Variants in SYN2 observed in about 807,000 individuals in gnomAD.
The protein encoded by SYN2 is synapsin II, also known as synapsin-2.
A neutral mutation model predicts 50.9 loss-of-function variants in SYN2; 19 were observed. The ratio of observed to expected loss-of-function variants is 0.37; its 90% CI spans 0.26 to 0.55. The LOEUF (loss-of-function observed/expected upper bound fraction) is 0.55. Among genes scored for constraint, SYN2 ranks in the 20% least tolerant of loss-of-function variants. The pLI, the probability that SYN2 is intolerant of heterozygous loss-of-function variation, is 0.81. For missense variants in SYN2, 587 were observed against 576.4 expected (o/e 1.02, Z -0.19); for synonymous variants, 255 against 224.9 (o/e 1.13, Z -1.20).
chr3:12,057,665 G>A (rs1695023873), intron 1 of SYN2, among the ~76,000 whole-genome samples: 1 of 152,090 alleles, frequency 6.6e-6, no homozygotes, highest in South Asian at 2.1e-4. Flanking sequence ...ATTTGATTCA[G>A]TCTGATAACT....
intron 11 of SYN2, chr3:12,183,719 A>G: frequency 1.6e-6 from 2 of 1,219,562 alleles, no homozygotes; most frequent in Non-Finnish European, 2.0e-6. Context: ...TCCCAAGTCC[A>G]GTGTGACTTT....
chr3:12,049,010 A>T (rs1403736954), intron 1 of SYN2, among the ~76,000 whole-genome samples: 1 of 152,156 alleles, frequency 6.6e-6, no homozygotes, highest in Non-Finnish European at 1.5e-5. Context: ...GAGTTTTGTG[A>T]ATATGTAGGT....
At chr3:12,187,758 T>A (rs1222998994) in intron 12 of SYN2, 146 bp downstream of exon 12, 5 of 1,261,612 alleles carry the variant, frequency 4.0e-6, no homozygotes, top group East Asian at 2.7e-5. Flanking sequence ...TGTTAGTTTG[T>A]TTTTGGTTTT....
intron 7 of SYN2, among the ~76,000 whole-genome samples, chr3:12,163,477 C>T (rs1214802109): frequency 6.6e-6 from 1 of 151,870 alleles, no homozygotes; most frequent in Non-Finnish European, 1.5e-5. Context: ...ACTCCTGTCC[C>T]ATACCACCCT....
At chr3:12,173,814 C>T (rs112725785) in intron 10 of SYN2, among the ~76,000 whole-genome samples, 6,555 of 151,982 alleles carry the variant, frequency 0.043, 441 homozygotes, top group African/African-American at 0.14. Flanking sequence ...CTTGGGAGGC[C>T]GAGGCAGGAG....
At chr3:12,166,071 C>A (rs777938463) in intron 7 of SYN2, among the ~76,000 whole-genome samples, 2 of 152,196 alleles carry the variant, frequency 1.3e-5, no homozygotes, top group Non-Finnish European at 2.9e-5. Flanking sequence ...CCTTAGAAAG[C>A]AGTCAGTACT....
intron 1 of SYN2, among the ~76,000 whole-genome samples, chr3:12,060,376 A>C (rs933706338): frequency 6.6e-6 from 1 of 152,190 alleles, no homozygotes; most frequent in Non-Finnish European, 1.5e-5. Flanking sequence ...AGAGGAAAAG[A>C]CTACCAGAGT....
intron 5 of SYN2, chr3:12,157,351 T>G (rs1409576970): frequency 6.2e-7 from 1 of 1,600,178 alleles, no homozygotes; most frequent in Non-Finnish European, 8.6e-7. Flanking sequence ...CCATCAGCCT[T>G]AGGGGCTACA....
intron 10 of SYN2, among the ~76,000 whole-genome samples, chr3:12,170,884 A>G (rs1697921698): frequency 6.6e-6 from 1 of 152,092 alleles, no homozygotes. Context: ...TGAATCCTAG[A>G]CTCTCCATTT....
chr3:12,105,785 C>T (rs980975735), intron 1 of SYN2, among the ~76,000 whole-genome samples: 1 of 151,914 alleles, frequency 6.6e-6, no homozygotes. Flanking sequence ...CTCTGTTGTA[C>T]TTGAGGGAAG....
intron 5 of SYN2, chr3:12,158,804 G>A: frequency 6.2e-7 from 1 of 1,601,392 alleles, no homozygotes; most frequent in Non-Finnish European, 8.5e-7. Context: ...CGCAGCAACA[G>A]CACCCAGCTT....
chr3:12,041,628 G>T (rs1694620195), intron 1 of SYN2, among the ~76,000 whole-genome samples: 1 of 152,166 alleles, frequency 6.6e-6, no homozygotes, highest in African/African-American at 2.4e-5. Flanking sequence ...CAGCCTTCTA[G>T]TTCGTGTCCT....
At chr3:12,038,330 C>T (rs749448691) in intron 1 of SYN2, among the ~76,000 whole-genome samples, 1 of 151,962 alleles carries the variant, frequency 6.6e-6, no homozygotes, top group Non-Finnish European at 1.5e-5. Flanking sequence ...AGCTTTGTAG[C>T]AAGTTTTGAA....
chr3:12,185,696 T>C (rs1461579330), intron 11 of SYN2: 1 of 985,890 alleles, frequency 1.0e-6, no homozygotes, highest in East Asian at 1.1e-4. Context: ...CTTGTACAGC[T>C]TAATGTGCAA....
At chr3:12,044,412 A>G (rs770324814) in intron 1 of SYN2, among the ~76,000 whole-genome samples, 10 of 152,226 alleles carry the variant, frequency 6.6e-5, no homozygotes, top group Non-Finnish European at 1.5e-4. Flanking sequence ...CTGAAAAAGC[A>G]AAGGGTTCCA....
intron 1 of SYN2, among the ~76,000 whole-genome samples, chr3:12,014,793 C>A (rs552868871): frequency 2.6e-5 from 4 of 152,236 alleles, no homozygotes; most frequent in Admixed American, 1.3e-4. Flanking sequence ...GCTTTTTTGG[C>A]TTCCTGTTTT....
Position 12,158,573 on chromosome 3 carries a change from C to T in SYN2, c.775-2973C>T, listed in dbSNP as rs1185099188. The T allele has an allele frequency of 2.2e-6, 3 of 1,393,578 alleles. No individual in the cohort carries two copies. The African/African-American group carries it at 4.3e-5, about 20-fold the overall frequency. 86.3% of individuals were successfully genotyped at this position (1,393,578 alleles called of 1,614,324 possible). ...CGCCTGGTCCTTCTCCACCCATCAG[C>T]CTCAGCAAGAGACAACCGGTAAGAA... On this transcript the variant is annotated intron_variant, in intron 5 of 12. Transcript: ENST00000621198.
intron 1 of SYN2, among the ~76,000 whole-genome samples, chr3:12,066,016 T>C (rs757298216): frequency 2.6e-5 from 4 of 152,144 alleles, no homozygotes; most frequent in Admixed American, 2.0e-4. Flanking sequence ...TGACTGGTAA[T>C]GGGTACATGG....
In SYN2 at chr3:12,139,010, C is replaced by T. The variant is rs146797514; in HGVS notation, c.378-1641C>T. The stretch of plus-strand genomic sequence containing the variant: ...AAGGGAATATACTACCGGGCCCCTG[C>T]CTGAGGGGCTCGCTGAGCTGTGAAT... On this transcript the variant is annotated intron_variant, in intron 1 of 12. Coordinates refer to ENST00000621198, the MANE Select transcript of SYN2 (RefSeq NM_133625.6). 4.4e-3 allele frequency among the ~76,000 whole-genome samples: 670 copies of T among 152,244 alleles called. 6 individuals carry two copies. Among genetic ancestry groups the T allele is most frequent in the African/African-American group, 0.015 (616 of 41,544 alleles).
Sources: gnomAD v4.1 joint callset for allele counts (sites outside exome capture counted in the v4.1 genomes callset) on GRCh38, gnomAD v4.1.1 for gene constraint, MANE v1.5 for transcripts, NCBI Gene and HGNC (gene_info 2026-07-23, HGNC 2026-07-21) for gene names.